Variants in ATXN10 observed in about 807,000 individuals in gnomAD.
The protein encoded by ATXN10 is ataxin-10.
In ATXN10, 28 loss-of-function variants were observed where a neutral mutation model predicts 52.9. That is an observed-to-expected ratio of 0.53 (90% CI 0.39 to 0.73). ATXN10 has a LOEUF of 0.73. ATXN10 is among the 30% of genes least tolerant of loss of function. ATXN10 has a pLI of 0.00. For missense variants in ATXN10, 565 were observed against 577.0 expected (o/e 0.98, Z 0.21); for synonymous variants, 226 against 221.5 (o/e 1.02, Z -0.18).
At position 45,747,276 on chromosome 22, in the gene ATXN10, C is replaced by T. The variant is rs75283329; in HGVS notation, c.1173+6738C>T. Among the ~76,000 whole-genome samples the T allele has an allele frequency of 7.2e-3, 1,100 of 152,174 alleles. 14 individuals are homozygous for T. The highest frequency in any genetic ancestry group is 0.025 in the African/African-American group (1,044 of 41,532). ...CAGCAAGCACATTGGAAGGCTGAGGCGGGAGATTGTTTGAGCTCAGAAGTT... is the reference window on the plus strand; with the variant it reads ...CAGCAAGCACATTGGAAGGCTGAGGTGGGAGATTGTTTGAGCTCAGAAGTT... On this transcript the variant is annotated intron_variant, in intron 9 of 11. Coordinates refer to ENST00000252934, the MANE Select transcript of ATXN10 (RefSeq NM_013236.4).
At chr22:45,806,755 G>T (rs1347690571) in intron 9 of ATXN10, among the ~76,000 whole-genome samples, 2 of 151,250 alleles carry the variant, frequency 1.3e-5, no homozygotes, top group Non-Finnish European at 2.9e-5. Context: ...ATTTTTTTTT[G>T]AAGTCCAGTG....
At chr22:45,746,051 C>A (rs140501040) in intron 9 of ATXN10, among the ~76,000 whole-genome samples, 4 of 152,022 alleles carry the variant, frequency 2.6e-5, no homozygotes, top group African/African-American at 7.2e-5. Flanking sequence ...TGATCCAAAT[C>A]ATATATATTT....
chr22:45,775,626 A>G lies in ATXN10; in HGVS notation c.1174-31333A>G, dbSNP rs959878868. On this transcript the variant is annotated intron_variant, in intron 9 of 11. Transcript: ENST00000252934. This position sits in a 1 kb window ranked among gnomAD's most constrained non-coding sequence, Gnocchi z 4.7. ...TTCGTCAGTGTTAGCCTGTGTAATG[A>G]CACTGTTTTTCTCCTTCGTGTGACT... Among the ~76,000 whole-genome samples, 1 of 152,152 alleles carries G rather than the reference A, an allele frequency of 6.6e-6. No homozygotes were observed. The highest frequency in any genetic ancestry group is 2.4e-5 in the African/African-American group (1 of 41,418).
intron 9 of ATXN10, among the ~76,000 whole-genome samples, chr22:45,799,540 A>T (rs73444690): frequency 0.015 from 2,213 of 152,264 alleles, 44 homozygotes; most frequent in African/African-American, 0.051. Flanking sequence ...ACAGACAGAG[A>T]TCTAAAAACC....
In ATXN10 at chr22:45,843,206, C is replaced by T. The variant is rs183309523; in HGVS notation, c.1425+28C>T. Reference sequence around the variant, plus strand: ...AAGTACCCTCGAGGGAACTGTCCTTCCCTTTGGTTTGTAGAAAGCTGTTTC... The same window carrying T: ...AAGTACCCTCGAGGGAACTGTCCTTTCCTTTGGTTTGTAGAAAGCTGTTTC... On this transcript the variant is annotated intron_variant, in intron 11 of 11. Coordinates refer to ENST00000252934, the MANE Select transcript of ATXN10 (RefSeq NM_013236.4). This position sits in a 1 kb window ranked among gnomAD's most constrained non-coding sequence, Gnocchi z 4.5. 6.2e-7 allele frequency: 1 copy of T among 1,612,110 alleles called. No individual in the cohort carries two copies. The highest frequency in any genetic ancestry group is 8.5e-7 in the Non-Finnish European group (1 of 1,178,372).
chr22:45,816,481 G>T lies in ATXN10; in HGVS notation c.1237+9459G>T, dbSNP rs1001587919. On this transcript the variant is annotated intron_variant, in intron 10 of 11. Coordinates refer to ENST00000252934, the MANE Select transcript of ATXN10 (RefSeq NM_013236.4). This position sits in a 1 kb window ranked among gnomAD's most constrained non-coding sequence, Gnocchi z 5.8. ...CCATTTGGCGTGTTATAGTTGGGTTGGGTGGCTGTGCCTCTCCCTGAACAT... is the reference window on the plus strand; with the variant it reads ...CCATTTGGCGTGTTATAGTTGGGTTTGGTGGCTGTGCCTCTCCCTGAACAT... 6.6e-6 allele frequency among the ~76,000 whole-genome samples: 1 copy of T among 152,116 alleles called. No homozygotes were observed. Among genetic ancestry groups the T allele is most frequent in the African/African-American group, 2.4e-5 (1 of 41,418 alleles).
chr22:45,774,174 C>T lies in ATXN10; in HGVS notation c.1174-32785C>T, dbSNP rs764110876. Among the ~76,000 whole-genome samples the T allele has an allele frequency of 1.8e-4, 27 of 152,200 alleles. No homozygotes were observed. The highest frequency in any genetic ancestry group is 3.2e-4 in the Non-Finnish European group (22 of 68,042). On this transcript the variant is annotated intron_variant, in intron 9 of 11. Coordinates refer to ENST00000252934, the MANE Select transcript of ATXN10 (RefSeq NM_013236.4). The surrounding 1 kb of genome is among the most constrained non-coding windows in gnomAD (Gnocchi z 6.2). ...CAGCCTGCTAATGTCTGGGGGTGGCCCTGCCTTAGTAGGCATGGTGGGGCA... is the reference window on the plus strand; with the variant it reads ...CAGCCTGCTAATGTCTGGGGGTGGCTCTGCCTTAGTAGGCATGGTGGGGCA...
intron 3 of ATXN10, among the ~76,000 whole-genome samples, chr22:45,699,467 CT>C (rs11378331): frequency 0.059 from 7,018 of 119,784 alleles, 188 homozygotes; most frequent in African/African-American, 0.091. Flanking sequence ...CAGTAGAAAT[CT>C]TTTTTTTTTT....
intron 10 of ATXN10, among the ~76,000 whole-genome samples, chr22:45,813,818 C>T (rs1487597523): frequency 6.6e-6 from 1 of 152,202 alleles, no homozygotes; most frequent in African/African-American, 2.4e-5. Context: ...TGTAGCTATT[C>T]ATTCCTATAA....
Position 45,727,187 on chromosome 22 carries a change from C to A in ATXN10, c.729-2238C>A, listed in dbSNP as rs1320133098. On this transcript the variant is annotated intron_variant, in intron 6 of 11. Coordinates refer to ENST00000252934, the MANE Select transcript of ATXN10 (RefSeq NM_013236.4). This position sits in a 1 kb window ranked among gnomAD's most constrained non-coding sequence, Gnocchi z 4.6. ...ATGTCCGTCTTGATTTCATTGTTAA[C>A]CCCCAAATCATGCAGGAGCAGCTTG... is the stretch of plus-strand genomic sequence containing the variant. Among the ~76,000 whole-genome samples, 5 of 152,126 alleles carry A rather than the reference C, an allele frequency of 3.3e-5. No individual in the cohort carries two copies. The highest frequency in any genetic ancestry group is 5.9e-5 in the Non-Finnish European group (4 of 68,032).
intron 10 of ATXN10, 28 bp downstream of exon 10, chr22:45,807,050 C>G: frequency 6.3e-7 from 1 of 1,593,822 alleles, no homozygotes; most frequent in Non-Finnish European, 8.6e-7. Context: ...TTACCATGCA[C>G]AAGTTTACAG....
intron 3 of ATXN10, among the ~76,000 whole-genome samples, chr22:45,695,481 A>T (rs188973864): frequency 2.1e-5 from 3 of 144,714 alleles, no homozygotes; most frequent in Non-Finnish European, 4.5e-5. Context: ...TGCATATAAC[A>T]TGAGGCATAT....
intron 3 of ATXN10, 102 bp from the exon 4 acceptor site, chr22:45,700,180 A>G: frequency 2.3e-6 from 2 of 883,254 alleles, no homozygotes; most frequent in South Asian, 1.7e-5. Flanking sequence ...AGAAGCAAGC[A>G]GAAACTTTCT....
chr22:45,737,101 G>C (rs1167951176), intron 7 of ATXN10, among the ~76,000 whole-genome samples: 1 of 152,088 alleles, frequency 6.6e-6, no homozygotes, highest in Non-Finnish European at 1.5e-5. Flanking sequence ...GGTTTGTTTT[G>C]TTTTATTTTC....
intron 9 of ATXN10, among the ~76,000 whole-genome samples, chr22:45,742,811 T>A (rs1301182743): frequency 6.9e-6 from 1 of 143,902 alleles, no homozygotes; most frequent in Non-Finnish European, 1.5e-5. Flanking sequence ...ATCCTCATCT[T>A]CAGGAGAGTG....
At chr22:45,748,586 A>G (rs961308960) in intron 9 of ATXN10, among the ~76,000 whole-genome samples, 6 of 152,192 alleles carry the variant, frequency 3.9e-5, no homozygotes, top group Non-Finnish European at 8.8e-5. Context: ...TTCTAGCTCA[A>G]TTCTGAAAGT....
Position 45,837,501 on chromosome 22 carries a change from A to G in ATXN10, c.1238-5490A>G, listed in dbSNP as rs763949752. Reference sequence around the variant, plus strand: ...CTGGTCTCATACTCCTGACCTCGTGATCCGCCTGCCTCAGCCTCCCAAAGT... The same window carrying G: ...CTGGTCTCATACTCCTGACCTCGTGGTCCGCCTGCCTCAGCCTCCCAAAGT... On this transcript the variant is annotated intron_variant, in intron 10 of 11. Transcript: ENST00000252934. This position sits in a 1 kb window ranked among gnomAD's most constrained non-coding sequence, Gnocchi z 5.8. Among the ~76,000 whole-genome samples, 1 of 152,176 alleles carries G rather than the reference A, an allele frequency of 6.6e-6. No homozygotes were observed. Among genetic ancestry groups the G allele is most frequent in the Non-Finnish European group, 1.5e-5 (1 of 68,036 alleles).
rs539541669 is a variant in ATXN10 at position 45,750,222 on chromosome 22, G to C, written c.1173+9684G>C. 1.2e-4 allele frequency among the ~76,000 whole-genome samples: 19 copies of C among 152,170 alleles called. No individual in the cohort carries two copies. The East Asian group carries it at 3.7e-3, about 29-fold the overall frequency. ...TGATCCTCCCGCCTCAGCCACCCAA[G>C]TAGCTGGTACTAGAGGTATGTCACC... On this transcript the variant is annotated intron_variant, in intron 9 of 11. Coordinates refer to ENST00000252934, the MANE Select transcript of ATXN10 (RefSeq NM_013236.4). This position sits in a 1 kb window ranked among gnomAD's most constrained non-coding sequence, Gnocchi z 4.2.
rs1165951421 is a variant in ATXN10, at chr22:45,824,352, C to G, written c.1237+17330C>G. 6.6e-6 allele frequency among the ~76,000 whole-genome samples: 1 copy of G among 152,132 alleles called. No homozygotes were observed. The highest frequency in any genetic ancestry group is 2.4e-5 in the African/African-American group (1 of 41,412). On this transcript the variant is annotated intron_variant, in intron 10 of 11. Transcript: ENST00000252934. This position sits in a 1 kb window ranked among gnomAD's most constrained non-coding sequence, Gnocchi z 5.2. ...TGATCCCAACTCAAATTTAAGGCCC[C>G]CTTTTTATTGTTTCACCTTATCCTG...
Sources: gnomAD v4.1 joint callset for allele counts (sites outside exome capture counted in the v4.1 genomes callset) on GRCh38, gnomAD v4.1.1 for gene constraint, Gnocchi (gnomAD v3.1) non-coding constraint, MANE v1.5 for transcripts, NCBI Gene and HGNC (gene_info 2026-07-23, HGNC 2026-07-21) for gene names.